Variants in PELI2 observed in about 807,000 individuals in gnomAD.
The protein encoded by PELI2 is E3 ubiquitin-protein ligase pellino homolog 2.
In PELI2, 23 loss-of-function variants were observed where a neutral mutation model predicts 42.3. The observed-to-expected ratio is 0.54, with a 90% CI of 0.39 to 0.77. The LOEUF is 0.77. PELI2 is among the 30% of genes least tolerant of loss of function. PELI2 has a pLI of 0.00. For synonymous variants in PELI2, 245 were observed against 212.2 expected (o/e 1.15, Z -1.34); for missense variants, 463 against 553.2 (o/e 0.84, Z 1.64).
intron 2 of PELI2, among the ~76,000 whole-genome samples, chr14:56,182,680 T>C (rs898031455): frequency 4.6e-5 from 7 of 152,218 alleles, no homozygotes; most frequent in African/African-American, 1.7e-4. Flanking sequence ...TTAATGTCAT[T>C]GCTACAACCA....
intron 3 of PELI2, among the ~76,000 whole-genome samples, chr14:56,282,729 A>G (rs561842052): frequency 3.2e-4 from 49 of 152,234 alleles, no homozygotes; most frequent in African/African-American, 1.1e-3. Flanking sequence ...CCATTATATA[A>G]TCTTATAAAT....
chr14:56,134,217 A>G (rs909570069), intron 1 of PELI2, among the ~76,000 whole-genome samples: 1 of 152,232 alleles, frequency 6.6e-6, no homozygotes, highest in Non-Finnish European at 1.5e-5. Flanking sequence ...AGTCATGAGT[A>G]CAGAGATGTG....
At chr14:56,263,400 CA>C (rs1048674623) in intron 2 of PELI2, among the ~76,000 whole-genome samples, 1 of 150,674 alleles carries the variant, frequency 6.6e-6, no homozygotes, top group Non-Finnish European at 1.5e-5. Flanking sequence ...AAATTTCAGC[CA>C]AAAAAAAGAG....
intron 2 of PELI2, among the ~76,000 whole-genome samples, chr14:56,275,285 T>G (rs1889252665): frequency 6.6e-6 from 1 of 152,204 alleles, no homozygotes; most frequent in African/African-American, 2.4e-5. Flanking sequence ...CCCAGCCATT[T>G]TGGCACCAGG....
intron 3 of PELI2, among the ~76,000 whole-genome samples, chr14:56,284,009 T>C (rs539059494): frequency 6.2e-4 from 94 of 152,352 alleles, no homozygotes; most frequent in African/African-American, 2.2e-3. Context: ...TTCTGAAGTA[T>C]GGACCTCAGT....
At chr14:56,150,436 T>G (rs1214279685) in intron 1 of PELI2, among the ~76,000 whole-genome samples, 1 of 152,246 alleles carries the variant, frequency 6.6e-6, no homozygotes, top group East Asian at 1.9e-4. Context: ...AAAATTATTT[T>G]TAAGTATACT....
chr14:56,128,262 G>A (rs1595538044), intron 1 of PELI2, among the ~76,000 whole-genome samples: 1 of 152,334 alleles, frequency 6.6e-6, no homozygotes, highest in Non-Finnish European at 1.5e-5. Flanking sequence ...CACAGTCTAA[G>A]GGCAAGACAG....
intron 1 of PELI2, among the ~76,000 whole-genome samples, chr14:56,169,560 G>T (rs1398064828): frequency 6.6e-6 from 1 of 152,208 alleles, no homozygotes; most frequent in African/African-American, 2.4e-5. Context: ...CTGCTGCGTG[G>T]GGTGTGGAAG....
chr14:56,118,625 GCGT>G lies in PELI2; in HGVS notation c.-33_-31del, dbSNP rs747429977. 63 of 1,282,600 alleles carry G rather than the reference GCGT, an allele frequency of 4.9e-5. No individual in the cohort carries two copies. The highest frequency in any genetic ancestry group is 3.7e-5 in the Admixed American group (1 of 27,050). The allele number at this position is 1,282,600 out of a possible 1,614,324, so 79.5% of individuals were successfully genotyped here. ...GGCGGGGATCGCGGCGGAGGCGGCG[GCGT>G]CGGCGGCGGCGTCGGCGGCCGAGCG... On this transcript the variant is annotated 5_prime_UTR_variant, in exon 1 of 6. Transcript: ENST00000267460.
intron 2 of PELI2, among the ~76,000 whole-genome samples, chr14:56,185,437 A>C (rs1002291524): frequency 1.3e-5 from 2 of 152,186 alleles, no homozygotes; most frequent in Non-Finnish European, 2.9e-5. Context: ...CAAACCACCT[A>C]AGTAAAATGT....
chr14:56,172,206 G>A (rs73290624), intron 1 of PELI2, among the ~76,000 whole-genome samples: 1 of 152,148 alleles, frequency 6.6e-6, no homozygotes, highest in African/African-American at 2.4e-5. Context: ...TATCAGCTGA[G>A]GTTACCTGGT....
At chr14:56,258,420 C>G (rs1355946123) in intron 2 of PELI2, among the ~76,000 whole-genome samples, 1 of 151,852 alleles carries the variant, frequency 6.6e-6, no homozygotes, top group Non-Finnish European at 1.5e-5. Flanking sequence ...CTAGAAATTA[C>G]AGATGGAATT....
chr14:56,264,826 T>C (rs1299320656), intron 2 of PELI2, among the ~76,000 whole-genome samples: 1 of 152,226 alleles, frequency 6.6e-6, no homozygotes, highest in Non-Finnish European at 1.5e-5. Context: ...AACTGAATCC[T>C]GTATTTTCCT....
At chr14:56,131,076 G>A (rs1036256147) in intron 1 of PELI2, among the ~76,000 whole-genome samples, 3 of 152,144 alleles carry the variant, frequency 2.0e-5, no homozygotes, top group Non-Finnish European at 2.9e-5. Flanking sequence ...CTTCCTGTTA[G>A]TATTGATTAA....
At chr14:56,235,414 T>G (rs1016203557) in intron 2 of PELI2, among the ~76,000 whole-genome samples, 1 of 152,242 alleles carries the variant, frequency 6.6e-6, no homozygotes, top group Admixed American at 6.5e-5. Flanking sequence ...GTCTCAGAAC[T>G]CTGGCTCACT....
At chr14:56,252,044 A>G (rs184491499) in intron 2 of PELI2, among the ~76,000 whole-genome samples, 9 of 152,218 alleles carry the variant, frequency 5.9e-5, no homozygotes. Flanking sequence ...TGTCTCAGAC[A>G]CCTAGGATAC....
chr14:56,220,285 AAGG>A (rs1887076660), intron 2 of PELI2, among the ~76,000 whole-genome samples: 1 of 152,170 alleles, frequency 6.6e-6, no homozygotes. Flanking sequence ...CATTTGCGCA[AAGG>A]CACACCAGCA....
At chr14:56,146,217 T>C (rs184348876) in intron 1 of PELI2, among the ~76,000 whole-genome samples, 45 of 152,306 alleles carry the variant, frequency 3.0e-4, no homozygotes, top group African/African-American at 1.0e-3. Context: ...TTTGGTCTCC[T>C]GTTGCCCCAA....
intron 5 of PELI2, among the ~76,000 whole-genome samples, chr14:56,291,366 G>A (rs181613996): frequency 6.6e-6 from 1 of 152,304 alleles, no homozygotes; most frequent in East Asian, 1.9e-4. Flanking sequence ...GTTGGGGGCT[G>A]TTTCACTGAC....
Sources: allele counts gnomAD v4.1 joint callset (sites outside exome capture counted in the v4.1 genomes callset), GRCh38; gene constraint gnomAD v4.1.1; transcripts MANE v1.5; gene names NCBI Gene and HGNC (gene_info 2026-07-23, HGNC 2026-07-21).